The following PRKN variants were observed in gnomAD, a reference collection of about 807,000 sequenced individuals.
PRKN encodes parkin RBR E3 ubiquitin protein ligase.
In PRKN, 56 loss-of-function variants were observed where a neutral mutation model predicts 59.5. That is an observed-to-expected ratio of 0.94 (90% CI 0.76 to 1.18). PRKN has a LOEUF of 1.18. PRKN is among the 50% of genes most tolerant of loss of function. PRKN has a pLI of 0.00. For synonymous variants in PRKN, 250 were observed against 222.1 expected, an observed-to-expected ratio of 1.13 and a Z score of -1.12; for missense variants, 657 against 596.4, an observed-to-expected ratio of 1.10 and a Z score of -1.06.
chr6:161,415,564 G>T lies in PRKN; in HGVS notation c.1084-28687C>A, dbSNP rs544700215. ...CCAGGTGTTATAACTCTTTTCTCAC[G>T]CCTCTCTTACAATCCTCAGGAAATG... On this transcript the variant is annotated intron_variant, in intron 9 of 11. Transcript: ENST00000366898. 1.3e-3 allele frequency among the ~76,000 whole-genome samples: 150 copies of T among 116,774 alleles called. 2 individuals carry two copies. The Middle Eastern group carries it at 0.026, about 20-fold the overall frequency. The allele number at this position is 116,774 out of a possible 152,430, so 76.6% of individuals were successfully genotyped here. A position where few individuals can be genotyped will look rare whatever the true frequency, so the allele number is the denominator to read the frequency against.
At chr6:162,367,873 A>T (rs1247098080) in intron 2 of PRKN, among the ~76,000 whole-genome samples, 1 of 152,194 alleles carries the variant, frequency 6.6e-6, no homozygotes, top group Non-Finnish European at 1.5e-5. Flanking sequence ...AAAGTACTTT[A>T]TCAGAACTTC....
intron 1 of PRKN, among the ~76,000 whole-genome samples, chr6:162,565,495 G>A (rs1780026645): frequency 6.6e-6 from 1 of 152,094 alleles, no homozygotes; most frequent in African/African-American, 2.4e-5. Context: ...TTGGAGACAA[G>A]CCTGGCAAAC....
intron 9 of PRKN, among the ~76,000 whole-genome samples, chr6:161,434,123 T>A (rs1204590055): frequency 6.6e-6 from 1 of 152,194 alleles, no homozygotes; most frequent in Non-Finnish European, 1.5e-5. Flanking sequence ...AGGAGGTACA[T>A]TGTTTTCAAA....
chr6:162,352,443 T>G (rs149603012), intron 2 of PRKN, among the ~76,000 whole-genome samples: 2 of 152,170 alleles, frequency 1.3e-5, no homozygotes, highest in African/African-American at 4.8e-5. Flanking sequence ...GAGTTCAGCG[T>G]CTCTTAATCC....
intron 2 of PRKN, among the ~76,000 whole-genome samples, chr6:162,432,943 A>G: frequency 6.6e-6 from 1 of 152,192 alleles, no homozygotes; most frequent in East Asian, 1.9e-4. Flanking sequence ...TTAGAATAGA[A>G]TATAGTATTT....
At chr6:162,393,573 T>G (rs911480358) in intron 2 of PRKN, among the ~76,000 whole-genome samples, 2 of 152,216 alleles carry the variant, frequency 1.3e-5, no homozygotes, top group African/African-American at 4.8e-5. Context: ...CACGATCTTA[T>G]TTACTCTTAC....
intron 2 of PRKN, among the ~76,000 whole-genome samples, chr6:162,362,279 T>C (rs1327270023): frequency 1.3e-5 from 2 of 152,346 alleles, no homozygotes; most frequent in South Asian, 2.1e-4. Flanking sequence ...TTCTCTACCA[T>C]GTAAAATATA....
In PRKN at chr6:162,178,935, G is replaced by C. The variant is rs58460541; in HGVS notation, c.534+22196C>G. ...CACTGAGGCTGAGTGCAAGTGGTGC[G>C]ATCACAGCTCGCAGCAGCCTCAAAC... is the stretch of plus-strand genomic sequence containing the variant. On this transcript the variant is annotated intron_variant, in intron 4 of 11. Transcript: ENST00000366898. Among the ~76,000 whole-genome samples, 883 of 152,212 alleles carry C rather than the reference G, an allele frequency of 5.8e-3. 12 individuals carry two copies. The highest frequency in any genetic ancestry group is 0.02 in the African/African-American group (850 of 41,552).
chr6:162,678,726 G>A (rs1779652505), intron 1 of PRKN, among the ~76,000 whole-genome samples: 1 of 152,118 alleles, frequency 6.6e-6, no homozygotes, highest in Non-Finnish European at 1.5e-5. Context: ...TTGCAAATAT[G>A]TTTCTCCAAG....
At chr6:162,083,684 A>G (rs1298116325) in intron 4 of PRKN, among the ~76,000 whole-genome samples, 1 of 144,138 alleles carries the variant, frequency 6.9e-6, no homozygotes, top group Admixed American at 7.1e-5. Context: ...TTCTCTTTTT[A>G]GGAATTAAAA....
chr6:162,045,659 T>C (rs569143034), intron 5 of PRKN, among the ~76,000 whole-genome samples: 31 of 152,348 alleles, frequency 2.0e-4, no homozygotes, highest in African/African-American at 7.0e-4. Context: ...GAGAGCTAGC[T>C]TGACCTGAGT....
Position 161,407,616 on chromosome 6 carries a change from G to T in PRKN, c.1084-20739C>A, listed in dbSNP as rs536673321. ...TAAGTGTTGGATGCAAAGCTGTCAG[G>T]CCTCTGAGTCGAAGCTCAGCCATTA... is the stretch of plus-strand genomic sequence containing the variant. On this transcript the variant is annotated intron_variant, in intron 9 of 11. Coordinates refer to ENST00000366898, the MANE Select transcript of PRKN (RefSeq NM_004562.3). This position sits in a 1 kb window ranked among gnomAD's most constrained non-coding sequence, Gnocchi z 4.9. 6.6e-6 allele frequency among the ~76,000 whole-genome samples: 1 copy of T among 152,270 alleles called. No individual in the cohort carries two copies. Among genetic ancestry groups the T allele is most frequent in the South Asian group, 2.1e-4 (1 of 4,820 alleles).
chr6:162,171,120 T>C (rs1783252348), intron 4 of PRKN, among the ~76,000 whole-genome samples: 1 of 151,804 alleles, frequency 6.6e-6, no homozygotes, highest in Non-Finnish European at 1.5e-5. Context: ...CATTGCCTCT[T>C]GGTGGTCTGA....
At chr6:161,472,853 A>G (rs1434561934) in intron 9 of PRKN, among the ~76,000 whole-genome samples, 1 of 152,238 alleles carries the variant, frequency 6.6e-6, no homozygotes, top group Admixed American at 6.5e-5. Flanking sequence ...GCCTGAATAG[A>G]CATTTCTCCA....
intron 4 of PRKN, among the ~76,000 whole-genome samples, chr6:162,187,373 T>C (rs1784073773): frequency 6.6e-6 from 1 of 152,190 alleles, no homozygotes; most frequent in South Asian, 2.1e-4. Flanking sequence ...ACATATCCCA[T>C]GACAGTGTCA....
At chr6:162,154,697 A>C (rs573545748) in intron 4 of PRKN, among the ~76,000 whole-genome samples, 38 of 152,194 alleles carry the variant, frequency 2.5e-4, no homozygotes, top group Non-Finnish European at 4.6e-4. Flanking sequence ...AATACAAGGT[A>C]GATAATTTGT....
intron 2 of PRKN, among the ~76,000 whole-genome samples, chr6:162,338,776 C>G (rs1180791816): frequency 1.4e-4 from 21 of 149,590 alleles, no homozygotes; most frequent in South Asian, 4.3e-4. Context: ...GGAGCGTCTC[C>G]GCCCGGCCGC....
chr6:161,398,252 G>C (rs535449637), intron 9 of PRKN, among the ~76,000 whole-genome samples: 1 of 152,216 alleles, frequency 6.6e-6, no homozygotes, highest in East Asian at 1.9e-4. Context: ...AGATAGAGAG[G>C]AGGCTGAAAC....
At chr6:161,980,782 G>A (rs969590402) in intron 5 of PRKN, among the ~76,000 whole-genome samples, 1 of 152,128 alleles carries the variant, frequency 6.6e-6, no homozygotes, top group Non-Finnish European at 1.5e-5. Flanking sequence ...GGGAAAAGGT[G>A]GCTTGGGTCT....
Sources: gnomAD v4.1 joint callset for allele counts (sites outside exome capture counted in the v4.1 genomes callset) on GRCh38, gnomAD v4.1.1 for gene constraint, Gnocchi (gnomAD v3.1) non-coding constraint, MANE v1.5 for transcripts, NCBI Gene and HGNC (gene_info 2026-07-23, HGNC 2026-07-21) for gene names.